Variants in CCNB1IP1 observed in about 807,000 individuals in gnomAD.
CCNB1IP1 encodes the protein cyclin B1 interacting protein 1.
Under a neutral mutation model 25.6 loss-of-function variants are expected in CCNB1IP1, and 14 were observed. The ratio of observed to expected loss-of-function variants is 0.55; its 90% CI spans 0.36 to 0.85. The LOEUF (loss-of-function observed/expected upper bound fraction) is 0.85. Ranked by LOEUF, CCNB1IP1 falls within the 40% of genes least tolerant of loss-of-function variation. The pLI is 0.01. For missense variants in CCNB1IP1, 278 were observed against 342.4 expected (o/e 0.81, Z 1.48); for synonymous variants, 119 against 116.1 (o/e 1.02, Z -0.16).
chr14:20,319,436 G>A (rs552992774), intron 4 of CCNB1IP1, among the ~76,000 whole-genome samples: 1 of 152,238 alleles, frequency 6.6e-6, no homozygotes, highest in East Asian at 1.9e-4. Flanking sequence ...TTTTAACTAT[G>A]CCAAATGTAG....
chr14:20,332,610 A>T (rs1409796676), intron 1 of CCNB1IP1, among the ~76,000 whole-genome samples: 1 of 152,188 alleles, frequency 6.6e-6, no homozygotes, highest in African/African-American at 2.4e-5. Context: ...ATTTAAATCT[A>T]GAGGCTTGCC....
At position 20,316,239 on chromosome 14, in the gene CCNB1IP1, G is replaced by C. The variant is rs1164403268; in HGVS notation, c.285C>G (p.Phe95Leu). Residue 95 changes from phenylalanine to leucine, a missense_variant, in exon 5 of 7, where the codon TTC becomes TTG. By Grantham distance (22) the Phe-to-Leu change is conservative. Transcript: ENST00000358932. ...VLDISSRALA[F>L]WTYQVHQERL... The stretch of plus-strand genomic sequence containing the variant: ...ACTAAGCACTAACCTGATATGTCCA[G>C]AAGGCCAGCGCTCGGGAGCTAATGT... The C allele has an allele frequency of 6.2e-7, 1 of 1,613,542 alleles. No individual in the cohort carries two copies. The highest frequency in any genetic ancestry group is 1.7e-5 in the Admixed American group (1 of 60,014).
At chr14:20,332,026 A>ATATTTTTTTTTTT (rs59034398) in intron 1 of CCNB1IP1, among the ~76,000 whole-genome samples, 1 of 40,742 alleles carries the variant, frequency 2.5e-5, no homozygotes, top group African/African-American at 8.7e-5. Context: ...ATATATATAT[A>ATATTTTTTTTTTT]TTTTTTTTTT....
intron 4 of CCNB1IP1, chr14:20,319,064 T>C (rs968235073): frequency 1.3e-5 from 2 of 152,234 alleles, no homozygotes; most frequent in Admixed American, 1.3e-4. Context: ...TGCCCAGCCT[T>C]ATACCGTCTT....
intron 1 of CCNB1IP1, among the ~76,000 whole-genome samples, chr14:20,330,356 G>A (rs1883199163): frequency 6.6e-6 from 1 of 152,042 alleles, no homozygotes; most frequent in South Asian, 2.1e-4. Context: ...GAGAGAGAGG[G>A]GCAAGAGCTG....
In CCNB1IP1 at chr14:20,313,775, T is replaced by C; in HGVS notation, c.324A>G (p.Glu108=). 6.3e-7 allele frequency: 1 copy of C among 1,589,646 alleles called. No homozygotes were observed. The highest frequency in any genetic ancestry group is 8.6e-7 in the Non-Finnish European group (1 of 1,169,140). ...GGCCCTCAGCCTTGCTGAAATTGTA[T>C]TCTTGATAGAGACGTTCCTGATGTA... ...YQVHQERLYQ[E]YNFSKAEGHL... Residue 108 remains glutamate, a synonymous_variant, in exon 6 of 7, where the codon GAA becomes GAG. Coordinates refer to ENST00000358932, the MANE Select transcript of CCNB1IP1 (RefSeq NM_021178.5).
intron 2 of CCNB1IP1, among the ~76,000 whole-genome samples, chr14:20,327,812 A>G (rs930850011): frequency 6.6e-6 from 1 of 152,186 alleles, no homozygotes; most frequent in African/African-American, 2.4e-5. Context: ...AAAGCAAGTA[A>G]GGTTAAGAAA....
Sources: allele counts gnomAD v4.1 joint callset (sites outside exome capture counted in the v4.1 genomes callset), GRCh38; gene constraint gnomAD v4.1.1; transcripts MANE v1.5; gene names NCBI Gene and HGNC (gene_info 2026-07-23, HGNC 2026-07-21).